The following PCDHGC3 variants were observed in gnomAD, a reference collection of about 807,000 sequenced individuals.
PCDHGC3 encodes protocadherin gamma-C3.
In PCDHGC3, 26 loss-of-function variants were observed where a neutral mutation model predicts 59.2. That is an observed-to-expected ratio of 0.44 (90% CI 0.32 to 0.61). The LOEUF (loss-of-function observed/expected upper bound fraction) is 0.61, where lower values mean the gene tolerates loss of function less well. PCDHGC3 is among the 20% of genes least tolerant of loss of function. PCDHGC3 has a pLI of 0.05. For synonymous variants in PCDHGC3, 487 were observed against 519.7 expected, an observed-to-expected ratio of 0.94 and a Z score of 0.86; for missense variants, 1,080 against 1,221.8, an observed-to-expected ratio of 0.88 and a Z score of 1.73.
rs752316565 is a variant in PCDHGC3 at position 141,487,235 on chromosome 5, C to T, written c.2431-7572C>T. On this transcript the variant is annotated intron_variant, in intron 1 of 3. Coordinates refer to ENST00000308177, the MANE Select transcript of PCDHGC3 (RefSeq NM_002588.4). This position sits in a 1 kb window ranked among gnomAD's most constrained non-coding sequence, Gnocchi z 5.0. The stretch of plus-strand genomic sequence containing the variant: ...TTCAGCTCCAAGGGAAGGAGAATCT[C>T]GTCTAACCCTCTACTTGGCTGTGTC... The T allele has an allele frequency of 2.5e-6, 4 of 1,614,126 alleles. No individual in the cohort carries two copies. Among genetic ancestry groups the T allele is most frequent in the Non-Finnish European group, 3.4e-6 (4 of 1,179,994 alleles).
chr5:141,499,404 T>G (rs1468724077), intron 2 of PCDHGC3, among the ~76,000 whole-genome samples: 3 of 152,178 alleles, frequency 2.0e-5, no homozygotes, highest in African/African-American at 7.2e-5. Context: ...ACATGCTCAT[T>G]ATAGAAACAT....
At chr5:141,492,659 T>C (rs2099742881) in intron 1 of PCDHGC3, among the ~76,000 whole-genome samples, 1 of 152,182 alleles carries the variant, frequency 6.6e-6, no homozygotes, top group Non-Finnish European at 1.5e-5. Context: ...GTCCGGATGG[T>C]CCCGGGACTC....
intron 1 of PCDHGC3, among the ~76,000 whole-genome samples, chr5:141,483,160 T>C (rs1199191595): frequency 6.6e-6 from 1 of 152,176 alleles, no homozygotes; most frequent in Non-Finnish European, 1.5e-5. Flanking sequence ...AGTTAGATCC[T>C]GAGTTACCTT....
At chr5:141,507,531 C>T (rs1467914007) in intron 3 of PCDHGC3, among the ~76,000 whole-genome samples, 3 of 151,964 alleles carry the variant, frequency 2.0e-5, no homozygotes, top group African/African-American at 7.2e-5. Flanking sequence ...CCAGAGAGGC[C>T]AGAGACTGAG....
chr5:141,481,053 A>T (rs2099530801), intron 1 of PCDHGC3, among the ~76,000 whole-genome samples: 1 of 152,104 alleles, frequency 6.6e-6, no homozygotes, highest in Non-Finnish European at 1.5e-5. Flanking sequence ...GCGAGACTCC[A>T]CCTCAAAAAC....
intron 2 of PCDHGC3, among the ~76,000 whole-genome samples, chr5:141,500,893 A>G (rs1393294152): frequency 1.1e-5 from 1 of 94,848 alleles, no homozygotes; most frequent in Non-Finnish European, 2.0e-5. Context: ...TTTTTTTGAG[A>G]CAGTCTCGCT....
Position 141,485,164 on chromosome 5 carries a change from G to A in PCDHGC3, c.2430+6618G>A, listed in dbSNP as rs2099608516. 2 of 1,605,832 alleles carry A rather than the reference G, an allele frequency of 1.2e-6. No homozygotes were observed. Among genetic ancestry groups the A allele is most frequent in the Admixed American group, 1.7e-5 (1 of 59,836 alleles). On this transcript the variant is annotated intron_variant, in intron 1 of 3. Coordinates refer to ENST00000308177, the MANE Select transcript of PCDHGC3 (RefSeq NM_002588.4). This position sits in a 1 kb window ranked among gnomAD's most constrained non-coding sequence, Gnocchi z 5.7. ...CTCAGGAGCAAGTAGAGAATTAGCG[G>A]GCGGCAGCAATGCTCCGCAAGGTGA...
intron 1 of PCDHGC3, among the ~76,000 whole-genome samples, chr5:141,492,474 G>T (rs2099741007): frequency 6.6e-6 from 1 of 152,218 alleles, no homozygotes; most frequent in African/African-American, 2.4e-5. Context: ...CCCAGATCGC[G>T]GCCGCCCAGG....
rs116140192 is a variant in PCDHGC3, at chr5:141,497,400, A to C, written c.2489+2535A>C. Among the ~76,000 whole-genome samples, 87 of 152,110 alleles carry C rather than the reference A, an allele frequency of 5.7e-4. 1 individual carries two copies. Among genetic ancestry groups the C allele is most frequent in the African/African-American group, 2.0e-3 (82 of 41,484 alleles). ...GGGGTGAGCACCTTACCCCTGCCTCAACTCCCATTCCATCAAATGAGAGGC... is the reference window on the plus strand; with the variant it reads ...GGGGTGAGCACCTTACCCCTGCCTCCACTCCCATTCCATCAAATGAGAGGC... On this transcript the variant is annotated intron_variant, in intron 2 of 3. Coordinates refer to ENST00000308177, the MANE Select transcript of PCDHGC3 (RefSeq NM_002588.4).
In PCDHGC3 at chr5:141,490,304, T is replaced by G. The variant is rs2099698490; in HGVS notation, c.2431-4503T>G. On this transcript the variant is annotated intron_variant, in intron 1 of 3. Coordinates refer to ENST00000308177, the MANE Select transcript of PCDHGC3 (RefSeq NM_002588.4). This position sits in a 1 kb window ranked among gnomAD's most constrained non-coding sequence, Gnocchi z 5.4. ...GCCCCAGAGGTGCTATTGGCCTCTT[T>G]GGCCAACCCTGTCCTAGAGAGCACA... 1.2e-6 allele frequency: 2 copies of G among 1,614,026 alleles called. No homozygotes were observed. The highest frequency in any genetic ancestry group is 1.7e-5 in the Admixed American group (1 of 60,010).
chr5:141,494,510 C>T (rs1462702765), intron 1 of PCDHGC3, among the ~76,000 whole-genome samples: 1 of 152,156 alleles, frequency 6.6e-6, no homozygotes, highest in Non-Finnish European at 1.5e-5. Context: ...TGAATTTTGG[C>T]TCAGGAGTTC....
Position 141,485,302 on chromosome 5 carries a change from T to C in PCDHGC3, c.2430+6756T>C. 1.2e-6 allele frequency: 2 copies of C among 1,614,152 alleles called. No homozygotes were observed. Among genetic ancestry groups the C allele is most frequent in the South Asian group, 2.2e-5 (2 of 91,078 alleles). On this transcript the variant is annotated intron_variant, in intron 1 of 3. Coordinates refer to ENST00000308177, the MANE Select transcript of PCDHGC3 (RefSeq NM_002588.4). This position sits in a 1 kb window ranked among gnomAD's most constrained non-coding sequence, Gnocchi z 5.7. ...TCCCAGAGGAGTCACAGGAAGGGAC[T>C]TTTGTAGGGAATGTCGCTCAAGATT... is the stretch of plus-strand genomic sequence containing the variant.
intron 1 of PCDHGC3, chr5:141,478,776 A>T: frequency 1.3e-6 from 2 of 1,488,808 alleles, no homozygotes; most frequent in Non-Finnish European, 1.8e-6. Context: ...TCATCTGTGG[A>T]CCTAATTCAC....
rs1371505487 is a variant in PCDHGC3 at position 141,478,544 on chromosome 5, C to G, written c.2428C>G (p.Gln810Glu). ...VLGAESAPPG[Q>E]QAPPNTDWRF... is the part of the protein sequence containing the mutation. ...GGGTGCAGAGAGCGCCCCTCCCGGA[C>G]AGGTAAGGTTTAGCAAGTCATGCTT... The change falls in exon 1 of 4, where the codon CAG becomes GAG. Residue 810 changes from glutamine (Q) to glutamate (E), a missense_variant and splice_region_variant. Transcript: ENST00000308177. The G allele has an allele frequency of 6.2e-7, 1 of 1,605,660 alleles. No homozygotes were observed. The highest frequency in any genetic ancestry group is 1.7e-5 in the Admixed American group (1 of 57,954).
At chr5:141,509,153 C>G (rs2099875485) in intron 3 of PCDHGC3, among the ~76,000 whole-genome samples, 2 of 152,190 alleles carry the variant, frequency 1.3e-5, no homozygotes, top group Non-Finnish European at 2.9e-5. Context: ...CGGCTCTCCC[C>G]TCCCGTGTGC....
chr5:141,489,635 G>T lies in PCDHGC3; in HGVS notation c.2431-5172G>T, dbSNP rs1380466520. On this transcript the variant is annotated intron_variant, in intron 1 of 3. Coordinates refer to ENST00000308177, the MANE Select transcript of PCDHGC3 (RefSeq NM_002588.4). This position sits in a 1 kb window ranked among gnomAD's most constrained non-coding sequence, Gnocchi z 4.5. ...CTGGATCTCAATGACAACTCTCCTA[G>T]CTTTGCCACCCCTGAGCGAGAGATG... 1.2e-6 allele frequency: 2 copies of T among 1,614,024 alleles called. No homozygotes were observed. The highest frequency in any genetic ancestry group is 2.7e-5 in the African/African-American group (2 of 74,908).
chr5:141,508,979 G>C (rs1317798009), intron 3 of PCDHGC3, among the ~76,000 whole-genome samples: 1 of 152,110 alleles, frequency 6.6e-6, no homozygotes, highest in Admixed American at 6.5e-5. Context: ...GCTGGGGGTG[G>C]GGGCCAGCTG....
intron 1 of PCDHGC3, 96 bp from the exon 2 acceptor site, chr5:141,494,711 A>G (rs757105958): frequency 6.3e-7 from 1 of 1,599,616 alleles, no homozygotes; most frequent in Non-Finnish European, 8.5e-7. Flanking sequence ...CTCTGTGCCC[A>G]CTCCCCTCCT....
intron 3 of PCDHGC3, among the ~76,000 whole-genome samples, chr5:141,506,189 G>A (rs529165145): frequency 3.6e-4 from 55 of 152,262 alleles, no homozygotes; most frequent in African/African-American, 1.1e-3. Flanking sequence ...GGTGGCTCAC[G>A]CCTGTAATCC....
Sources: gnomAD v4.1 joint callset for allele counts (sites outside exome capture counted in the v4.1 genomes callset) on GRCh38, gnomAD v4.1.1 for gene constraint, Gnocchi (gnomAD v3.1) non-coding constraint, MANE v1.5 for transcripts, NCBI Gene and HGNC (gene_info 2026-07-23, HGNC 2026-07-21) for gene names.